Variants in MLANA observed in about 807,000 individuals in gnomAD.
MLANA encodes melan-A, also known as melanoma antigen recognized by T-cells 1.
MLANA carries 21 observed loss-of-function variants against 15.7 expected under a neutral mutation model. The observed-to-expected ratio is 1.33, with a 90% CI of 0.95 to 1.92. The LOEUF (loss-of-function observed/expected upper bound fraction) is 1.92, where lower values mean the gene tolerates loss of function less well. MLANA is among the 40% of genes most tolerant of loss of function. The pLI is 0.00. For synonymous variants in MLANA, 56 were observed against 51.5 expected (o/e 1.09, Z -0.37); for missense variants, 164 against 143.8 (o/e 1.14, Z -0.72).
At chr9:5,895,846 C>A (rs1831980190) in intron 2 of MLANA, among the ~76,000 whole-genome samples, 1 of 152,248 alleles carries the variant, frequency 6.6e-6, no homozygotes, top group Non-Finnish European at 1.5e-5. Context: ...GTGCTTTTCG[C>A]TCTCAGTTAC....
intron 2 of MLANA, among the ~76,000 whole-genome samples, chr9:5,895,447 A>T (rs1831950867): frequency 6.6e-6 from 1 of 152,140 alleles, no homozygotes; most frequent in African/African-American, 2.4e-5. Flanking sequence ...ATCTTCATTA[A>T]AACAATGCAT....
rs76119407 is a variant in MLANA at position 5,897,560 on chromosome 9, C to G, written c.81C>G (p.Ala27=). The G allele has an allele frequency of 1.9e-6, 3 of 1,613,906 alleles. No individual in the cohort carries two copies. In the East Asian group the frequency reaches 6.7e-5, roughly 36 times the overall value. ...ATTTGTCTATCTCTTGGGCCAGGGC[C>G]GCTGGGATCGGCATCCTGACAGTGA... ...HGHSYTTAEE[A]AGIGILTVIL... Residue 27 remains alanine, a synonymous_variant, in exon 3 of 5, where the codon GCC becomes GCG. Coordinates refer to ENST00000381477, the MANE Select transcript of MLANA (RefSeq NM_005511.2).
chr9:5,898,771 C>T (rs1244819873), intron 3 of MLANA, among the ~76,000 whole-genome samples: 1 of 152,164 alleles, frequency 6.6e-6, no homozygotes, highest in African/African-American at 2.4e-5. Flanking sequence ...TCACTGGTTA[C>T]CTGTGAATTC....
intron 4 of MLANA, among the ~76,000 whole-genome samples, chr9:5,908,242 T>C (rs991845734): frequency 5.3e-5 from 8 of 152,158 alleles, no homozygotes; most frequent in African/African-American, 1.7e-4. Context: ...GGATACAATA[T>C]CCTCTTGTTT....
intron 1 of MLANA, 130 bp from the exon 2 acceptor site, chr9:5,892,320 C>G (rs936128802): frequency 1.2e-5 from 6 of 510,764 alleles, no homozygotes; most frequent in Non-Finnish European, 1.6e-5. Context: ...AATCCCCTCA[C>G]AGAGAGAAAC....
intron 3 of MLANA, among the ~76,000 whole-genome samples, chr9:5,905,693 G>T (rs1586960640): frequency 1.3e-5 from 2 of 152,190 alleles, no homozygotes; most frequent in South Asian, 2.1e-4. Context: ...CCTGTGACTT[G>T]TAAGTCTCTG....
chr9:5,896,146 C>A (rs982213418), intron 2 of MLANA, among the ~76,000 whole-genome samples: 1 of 152,218 alleles, frequency 6.6e-6, no homozygotes, highest in East Asian at 1.9e-4. Context: ...AATGTTGGTT[C>A]TGCCACTTGC....
chr9:5,903,509 T>A (rs1288823008), intron 3 of MLANA, among the ~76,000 whole-genome samples: 1 of 152,238 alleles, frequency 6.6e-6, no homozygotes, highest in African/African-American at 2.4e-5. Flanking sequence ...ATTAGGGTAA[T>A]GTTGGCCTCA....
intron 2 of MLANA, among the ~76,000 whole-genome samples, chr9:5,893,847 G>A (rs1831825889): frequency 1.3e-5 from 2 of 152,260 alleles, no homozygotes; most frequent in South Asian, 2.1e-4. Context: ...GGAGGTGAAG[G>A]AGAGGCTAGG....
At chr9:5,898,529 A>G (rs1344110528) in intron 3 of MLANA, among the ~76,000 whole-genome samples, 1 of 152,162 alleles carries the variant, frequency 6.6e-6, no homozygotes, top group African/African-American at 2.4e-5. Context: ...GACACATTCA[A>G]ACTATAGCAC....
chr9:5,896,312 G>C (rs1233116224), intron 2 of MLANA, among the ~76,000 whole-genome samples: 1 of 152,256 alleles, frequency 6.6e-6, no homozygotes, highest in East Asian at 1.9e-4. Context: ...ATGAATGGTA[G>C]TCACTATGGT....
At chr9:5,896,046 G>A (rs1345660110) in intron 2 of MLANA, among the ~76,000 whole-genome samples, 1 of 152,220 alleles carries the variant, frequency 6.6e-6, no homozygotes, top group Non-Finnish European at 1.5e-5. Flanking sequence ...AGGAAAGAGT[G>A]ACTCTGCAGG....
In MLANA at chr9:5,906,961, G is replaced by A; in HGVS notation, c.251G>A (p.Ser84Asn). Residue 84 changes from serine (S) to asparagine (N), a missense_variant, in exon 4 of 5, where the codon AGC (serine) becomes AAC (asparagine). Transcript: ENST00000381477. ...CAAGAAGGGTTTGATCATCGGGACA[G>A]CAAAGTGTCTCTTCAAGAGAAAAAC... ...CPQEGFDHRD[S>N]KVSLQEKNCE... 6.3e-7 allele frequency: 1 copy of A among 1,599,442 alleles called. No individual in the cohort carries two copies. The highest frequency in any genetic ancestry group is 8.5e-7 in the Non-Finnish European group (1 of 1,174,408).
At chr9:5,904,577 A>T (rs1326679470) in intron 3 of MLANA, among the ~76,000 whole-genome samples, 1 of 151,766 alleles carries the variant, frequency 6.6e-6, no homozygotes, top group African/African-American at 2.4e-5. Context: ...GGTTCAAGTG[A>T]TTCTCCTGTC....
chr9:5,891,315 T>C (rs1039635498), intron 1 of MLANA: 1 of 152,236 alleles, frequency 6.6e-6, no homozygotes, highest in Non-Finnish European at 1.5e-5. Context: ...ATGGGATGTA[T>C]TAAAACAATT....
chr9:5,897,805 T>C, intron 3 of MLANA, 152 bp downstream of exon 3: 1 of 710,502 alleles, frequency 1.4e-6, no homozygotes, highest in Non-Finnish European at 2.5e-6. Flanking sequence ...CATTGTACTT[T>C]GGCAACTCTA....
rs747184365 is a variant in MLANA, at chr9:5,892,454, C to G, written c.-21C>G. 6.7e-5 allele frequency: 107 copies of G among 1,608,190 alleles called. 1 individual carries two copies. Among genetic ancestry groups the G allele is most frequent in the South Asian group, 1.7e-4 (15 of 89,884 alleles). ...CCCACATGCTCCTTCTGTTAGGTGT[C>G]CTGTGCCCTGACCCTACAAGATGCC... On this transcript the variant is annotated 5_prime_UTR_variant, in exon 2 of 5. Coordinates refer to ENST00000381477, the MANE Select transcript of MLANA (RefSeq NM_005511.2).
chr9:5,895,319 G>C lies in MLANA; in HGVS notation c.78-2238G>C, dbSNP rs542159725. On this transcript the variant is annotated intron_variant, in intron 2 of 4. Transcript: ENST00000381477. ...TCAAAAGTCATTCCTCTCATGAAAA[G>C]TCCCTGCCCCCATTGCTGTTTGTTT... 7.9e-5 allele frequency among the ~76,000 whole-genome samples: 12 copies of C among 152,054 alleles called. No homozygotes were observed. In the South Asian group the frequency reaches 2.5e-3, roughly 32 times the overall value.
chr9:5,908,579 C>A, intron 4 of MLANA, 61 bp from the exon 5 acceptor site: 4 of 1,368,450 alleles, frequency 2.9e-6, no homozygotes, highest in Non-Finnish European at 4.2e-6. Context: ...TTAACTTAAT[C>A]CCTTCCTAGA....
Sources: allele counts gnomAD v4.1 joint callset (sites outside exome capture counted in the v4.1 genomes callset), GRCh38; gene constraint gnomAD v4.1.1; transcripts MANE v1.5; gene names NCBI Gene and HGNC (gene_info 2026-07-23, HGNC 2026-07-21).